INSC: variants seen among roughly 807,000 people sequenced by gnomAD.
The protein encoded by INSC is protein inscuteable homolog.
In INSC, 67 loss-of-function variants were observed where a neutral mutation model predicts 58.6. The observed-to-expected ratio is 1.14, with a 90% confidence interval of 0.94 to 1.40. The LOEUF (loss-of-function observed/expected upper bound fraction) is 1.40, where lower values mean the gene tolerates loss of function less well. INSC is among the 40% of genes most tolerant of loss of function. The pLI is 0.00. For missense variants in INSC, 714 were observed against 692.0 expected (o/e 1.03, Z -0.36); for synonymous variants, 262 against 276.1 (o/e 0.95, Z 0.51).
intron 2 of INSC, among the ~76,000 whole-genome samples, chr11:15,171,398 G>A (rs902096649): frequency 5.9e-5 from 9 of 151,686 alleles, no homozygotes; most frequent in South Asian, 2.1e-4. Context: ...ATCTGGCACC[G>A]AAGGCTTCTC....
intron 2 of INSC, among the ~76,000 whole-genome samples, chr11:15,166,208 A>G (rs968958035): frequency 1.3e-5 from 2 of 152,172 alleles, no homozygotes; most frequent in African/African-American, 4.8e-5. Context: ...TTGAGAATAT[A>G]TACCCACAAC....
At chr11:15,125,899 G>A (rs1847983814) in intron 1 of INSC, among the ~76,000 whole-genome samples, 1 of 152,196 alleles carries the variant, frequency 6.6e-6, no homozygotes, top group Admixed American at 6.5e-5. Context: ...AAGCTTCTGG[G>A]TGGAAGCCAC....
chr11:15,157,980 G>A (rs894213351), intron 2 of INSC, among the ~76,000 whole-genome samples: 7 of 152,150 alleles, frequency 4.6e-5, no homozygotes, highest in African/African-American at 1.7e-4. Context: ...CTCAGCGAGG[G>A]CAGCAGCTTC....
At chr11:15,238,722 G>A (rs565139650) in intron 10 of INSC, among the ~76,000 whole-genome samples, 197 bp from the exon 11 acceptor site, 1 of 152,328 alleles carries the variant, frequency 6.6e-6, no homozygotes, top group Admixed American at 6.5e-5. Flanking sequence ...CCCAAGTATA[G>A]TGACTTGGTA....
the INSC span, among the ~76,000 whole-genome samples, chr11:15,269,615 T>A: frequency 6.6e-6 from 1 of 152,010 alleles, no homozygotes; most frequent in South Asian, 2.1e-4. Context: ...GTAAAGAAGA[T>A]GATCTGAACT....
intron 1 of INSC, among the ~76,000 whole-genome samples, chr11:15,127,888 G>A (rs1848035408): frequency 6.6e-6 from 1 of 152,122 alleles, no homozygotes; most frequent in South Asian, 2.1e-4. Flanking sequence ...CCAGCTACTG[G>A]GGAGGCTGAG....
the INSC span, among the ~76,000 whole-genome samples, chr11:15,263,287 A>T: frequency 1.3e-5 from 2 of 152,162 alleles, no homozygotes; most frequent in Non-Finnish European, 2.9e-5. Context: ...TCAGGCAGAG[A>T]TCATATCTGA....
intron 6 of INSC, among the ~76,000 whole-genome samples, chr11:15,192,368 C>T (rs207471669): frequency 6.6e-6 from 1 of 152,216 alleles, no homozygotes; most frequent in Non-Finnish European, 1.5e-5. Flanking sequence ...AACTCTTACT[C>T]AGCATTCCAC....
chr11:15,135,410 C>A (rs1253350078), intron 1 of INSC, among the ~76,000 whole-genome samples: 1 of 152,182 alleles, frequency 6.6e-6, no homozygotes, highest in African/African-American at 2.4e-5. Flanking sequence ...ATAAAGGATT[C>A]TTTAACTGAA....
At chr11:15,136,349 G>C (rs371960465) in intron 1 of INSC, among the ~76,000 whole-genome samples, 1 of 152,134 alleles carries the variant, frequency 6.6e-6, no homozygotes, top group African/African-American at 2.4e-5. Context: ...GATGTCTGCT[G>C]ACTAATCAGG....
At chr11:15,212,937 T>A (rs1851082793) in intron 7 of INSC, among the ~76,000 whole-genome samples, 1 of 152,212 alleles carries the variant, frequency 6.6e-6, no homozygotes, top group African/African-American at 2.4e-5. Flanking sequence ...ATTTAACTTA[T>A]TATTTTATTA....
intron 5 of INSC, among the ~76,000 whole-genome samples, chr11:15,181,613 AG>A (rs1849782468): frequency 6.6e-6 from 1 of 152,182 alleles, no homozygotes; most frequent in Non-Finnish European, 1.5e-5. Context: ...TAAAAATTGA[AG>A]TGATTGTATT....
intron 5 of INSC, among the ~76,000 whole-genome samples, chr11:15,185,270 C>A (rs2080671037): frequency 6.6e-6 from 1 of 152,168 alleles, no homozygotes; most frequent in Non-Finnish European, 1.5e-5. Flanking sequence ...AAACTCCTCT[C>A]ATTTCCCTCT....
chr11:15,183,863 A>C lies in INSC; in HGVS notation c.579+5416A>C, dbSNP rs546186599. On this transcript the variant is annotated intron_variant, in intron 5 of 12. Transcript: ENST00000379556. ...AATGTGGTGCATATTATTTAAGATA[A>C]CAATTAAAGTCTATTTTGCCAAAAT... Among the ~76,000 whole-genome samples the C allele has an allele frequency of 1.2e-4, 18 of 152,346 alleles. No individual in the cohort carries two copies. The South Asian group carries it at 3.7e-3, about 32-fold the overall frequency.
At chr11:15,118,194 G>C (rs1375784510) in intron 1 of INSC, among the ~76,000 whole-genome samples, 17 of 152,176 alleles carry the variant, frequency 1.1e-4, no homozygotes, top group Non-Finnish European at 4.4e-5. Context: ...AGGAGCACAT[G>C]AAGGGCTTTA....
chr11:15,214,282 T>C (rs1196101157), intron 7 of INSC, among the ~76,000 whole-genome samples: 3 of 152,188 alleles, frequency 2.0e-5, no homozygotes, highest in Admixed American at 1.3e-4. Flanking sequence ...AGCCTTTAGA[T>C]GTCTGGAAGG....
intron 1 of INSC, among the ~76,000 whole-genome samples, chr11:15,135,662 A>C (rs1848228114): frequency 6.6e-6 from 1 of 152,154 alleles, no homozygotes. Flanking sequence ...TGTGATATTA[A>C]TTGTTTCTTC....
At chr11:15,237,567 C>T (rs947319876) in intron 10 of INSC, among the ~76,000 whole-genome samples, 1 of 152,142 alleles carries the variant, frequency 6.6e-6, no homozygotes, top group African/African-American at 2.4e-5. Context: ...CAAAGCAGGG[C>T]AGGATTTGAG....
chr11:15,122,175 T>A (rs1206331578), intron 1 of INSC, among the ~76,000 whole-genome samples: 1 of 152,190 alleles, frequency 6.6e-6, no homozygotes, highest in East Asian at 1.9e-4. Context: ...CATTGTTACA[T>A]GTTTTTAGAA....
Sources: gnomAD v4.1 joint callset for allele counts (sites outside exome capture counted in the v4.1 genomes callset) on GRCh38, gnomAD v4.1.1 for gene constraint, MANE v1.5 for transcripts, NCBI Gene and HGNC (gene_info 2026-07-23, HGNC 2026-07-21) for gene names.